Variants in TMEM63B observed in about 807,000 individuals in gnomAD.
TMEM63B encodes mechanosensitive cation channel TMEM63B.
In TMEM63B, 23 loss-of-function variants were observed where a neutral mutation model predicts 102.6. The ratio of observed to expected loss-of-function variants is 0.22; its 90% confidence interval spans 0.16 to 0.32. The LOEUF is 0.32. Among genes scored for constraint, TMEM63B ranks in the 10% least tolerant of loss-of-function variants. TMEM63B has a pLI of 1.00. For synonymous variants in TMEM63B, 444 were observed against 437.0 expected (o/e 1.02, Z -0.20); for missense variants, 628 against 1,095.9 (o/e 0.57, Z 6.03).
At chr6:44,131,137 C>T (rs1474869367) in intron 1 of TMEM63B, among the ~76,000 whole-genome samples, 3 of 151,432 alleles carry the variant, frequency 2.0e-5, no homozygotes, top group Non-Finnish European at 4.4e-5. Flanking sequence ...CCAGGCTGGT[C>T]TCGAACTCCT....
At chr6:44,137,061 A>G (rs888695503) in intron 5 of TMEM63B, among the ~76,000 whole-genome samples, 5 of 152,200 alleles carry the variant, frequency 3.3e-5, no homozygotes, top group African/African-American at 9.6e-5. Context: ...AACAAAAAAA[A>G]GAAATAATAA....
chr6:44,154,679 T>G lies in TMEM63B; in HGVS notation c.2308-13T>G. On this transcript the variant is annotated splice_polypyrimidine_tract_variant and intron_variant, in intron 23 of 23. Coordinates refer to ENST00000323267, the MANE Select transcript of TMEM63B (RefSeq NM_018426.3). Reference sequence around the variant, plus strand: ...AGCTGTTCACCTTGCCCCCATTTCCTCTCCTCCTTCAGAAATACATCGCTC... The same window carrying G: ...AGCTGTTCACCTTGCCCCCATTTCCGCTCCTCCTTCAGAAATACATCGCTC... 6.5e-7 allele frequency: 1 copy of G among 1,534,500 alleles called. No individual in the cohort carries two copies. The highest frequency in any genetic ancestry group is 8.8e-7 in the Non-Finnish European group (1 of 1,141,170).
chr6:44,138,588 A>G, intron 6 of TMEM63B, 71 bp downstream of exon 6: 1 of 1,594,050 alleles, frequency 6.3e-7, no homozygotes, highest in South Asian at 1.1e-5. Context: ...TACAAAATTC[A>G]GAAGCCAGCA....
intron 18 of TMEM63B, 23 bp from the exon 19 acceptor site, chr6:44,151,823 G>C: frequency 1.3e-6 from 2 of 1,594,430 alleles, no homozygotes; most frequent in Non-Finnish European, 1.7e-6. Flanking sequence ...AGGGTGCAGT[G>C]CTGGAGCACC....
intron 4 of TMEM63B, among the ~76,000 whole-genome samples, 178 bp downstream of exon 4, chr6:44,135,544 G>A (rs971478204): frequency 2.0e-5 from 3 of 152,218 alleles, no homozygotes; most frequent in Non-Finnish European, 1.5e-5. Flanking sequence ...TCCCCAGCTT[G>A]TCTCTGCCTC....
intron 1 of TMEM63B, among the ~76,000 whole-genome samples, chr6:44,131,125 G>A (rs921483835): frequency 1.1e-4 from 17 of 150,900 alleles, no homozygotes; most frequent in African/African-American, 4.1e-4. Flanking sequence ...TCACTGTGTT[G>A]GCCAGGCTGG....
In TMEM63B at chr6:44,154,080, A is replaced by C. The variant is rs776278376; in HGVS notation, c.2118A>C (p.Leu706=). 2.5e-6 allele frequency: 4 copies of C among 1,614,072 alleles called. No individual in the cohort carries two copies. Among genetic ancestry groups the C allele is most frequent in the Non-Finnish European group, 3.4e-6 (4 of 1,179,964 alleles). The change falls in exon 22 of 24, where the codon CTA becomes CTC. Residue 706 remains leucine (L), a synonymous_variant. Coordinates refer to ENST00000323267, the MANE Select transcript of TMEM63B (RefSeq NM_018426.3). ...LFFSTMRTGF[L]APTSMFTFVV... ...TTTGCCCCCCAACACCAGGGTTCCTAGCTCCCACGTCTATGTTCACATTTG... is the reference window on the plus strand; with the variant it reads ...TTTGCCCCCCAACACCAGGGTTCCTCGCTCCCACGTCTATGTTCACATTTG...
At chr6:44,130,018 G>A (rs1450387487) in intron 1 of TMEM63B, among the ~76,000 whole-genome samples, 1 of 152,174 alleles carries the variant, frequency 6.6e-6, no homozygotes, top group African/African-American at 2.4e-5. Flanking sequence ...TGTCCCCTAT[G>A]CCTGCCTCAG....
intron 1 of TMEM63B, among the ~76,000 whole-genome samples, chr6:44,130,935 T>TG (rs1363324202): frequency 5.3e-5 from 8 of 149,964 alleles, no homozygotes; most frequent in Non-Finnish European, 4.5e-5. Flanking sequence ...CTTTTTTTTT[T>TG]GAGATGGAGT....
chr6:44,152,211 G>C lies in TMEM63B; in HGVS notation c.1836+203G>C, dbSNP rs968789981. Among the ~76,000 whole-genome samples the C allele has an allele frequency of 6.6e-6, 1 of 152,120 alleles. No individual in the cohort carries two copies. The highest frequency in any genetic ancestry group is 2.4e-5 in the African/African-American group (1 of 41,408). On this transcript the variant is annotated intron_variant, in intron 19 of 23. Transcript: ENST00000323267. The surrounding 1 kb of genome is among the most constrained non-coding windows in gnomAD (Gnocchi z 6.4). ...TGGGTGGACATAGGTAACCCTGAAG[G>C]CCCCTGCCAGTTCTGACAGTAGCAT...
Position 44,152,521 on chromosome 6 carries a change from C to T in TMEM63B, c.1837-72C>T, listed in dbSNP as rs1178677155. On this transcript the variant is annotated intron_variant, in intron 19 of 23. Coordinates refer to ENST00000323267, the MANE Select transcript of TMEM63B (RefSeq NM_018426.3). This position sits in a 1 kb window ranked among gnomAD's most constrained non-coding sequence, Gnocchi z 6.4. ...CCCCAGAGGTCCTGGCTCCCTTCCC[C>T]CTCCCTCCTTCCCTGCCCCTCTGGT... 4 of 1,098,756 alleles carry T rather than the reference C, an allele frequency of 3.6e-6. No individual in the cohort carries two copies. The highest frequency in any genetic ancestry group is 4.7e-5 in the East Asian group (2 of 42,442). The allele number at this position is 1,098,756 out of a possible 1,614,324, so 68.1% of individuals were successfully genotyped here.
intron 9 of TMEM63B, chr6:44,140,647 A>G (rs1562124320): frequency 3.5e-6 from 2 of 571,846 alleles, no homozygotes; most frequent in Non-Finnish European, 6.3e-6. Context: ...TAGGATAGTA[A>G]TATTCCTTCC....
In TMEM63B at chr6:44,151,984, C is replaced by A; in HGVS notation, c.1812C>A (p.Ala604=). 2 of 1,610,622 alleles carry A rather than the reference C, an allele frequency of 1.2e-6. No individual in the cohort carries two copies. Among genetic ancestry groups the A allele is most frequent in the Non-Finnish European group, 1.7e-6 (2 of 1,178,408 alleles). ...YMIRLCLARS[A]AERRNVKRHQ... is the part of the protein sequence containing the mutation. Reference sequence around the variant, plus strand: ...TCCGGCTCTGCCTGGCGCGCTCGGCCGCCGAGAGGCGCAACGTGAAGCGGG... The same window carrying A: ...TCCGGCTCTGCCTGGCGCGCTCGGCAGCCGAGAGGCGCAACGTGAAGCGGG... Residue 604 remains alanine, a synonymous_variant, in exon 19 of 24, where the codon GCC becomes GCA. Transcript: ENST00000323267.
Position 44,148,867 on chromosome 6 carries a change from C to T in TMEM63B, c.1335C>T (p.Leu445=). The part of the protein sequence containing the change: ...LVINVVLFIL[L]FFLTTPAIII... ...TCAATGTCGTCCTCTTCATCCTCCT[C>T]TTCTTCCTCACCACTCCAGCCATCA... The change falls in exon 15 of 24, where the codon CTC becomes CTT. Residue 445 remains leucine (L), a synonymous_variant. Coordinates refer to ENST00000323267, the MANE Select transcript of TMEM63B (RefSeq NM_018426.3). This position sits in a 1 kb window ranked among gnomAD's most constrained non-coding sequence, Gnocchi z 5.1. The T allele has an allele frequency of 1.2e-6, 2 of 1,614,106 alleles. No individual in the cohort carries two copies. Among genetic ancestry groups the T allele is most frequent in the Non-Finnish European group, 1.7e-6 (2 of 1,180,006 alleles).
chr6:44,147,784 C>G (rs1384672168), intron 12 of TMEM63B, among the ~76,000 whole-genome samples: 3 of 152,184 alleles, frequency 2.0e-5, no homozygotes, highest in Non-Finnish European at 4.4e-5. Context: ...TTAACGTACC[C>G]ACCTTATGAG....
At chr6:44,133,691 G>T (rs2128223843) in intron 1 of TMEM63B, among the ~76,000 whole-genome samples, 1 of 152,354 alleles carries the variant, frequency 6.6e-6, no homozygotes, top group Admixed American at 6.5e-5. Flanking sequence ...CAGCCGGCCA[G>T]TTGCAGGCAA....
In TMEM63B at chr6:44,152,134, C is replaced by T. The variant is rs1766816214; in HGVS notation, c.1836+126C>T. Reference sequence around the variant, plus strand: ...AGACTTGGGGAGTACAGTTGACTCACGGTGGATCCGGGCCATCCCCTTCCC... The same window carrying T: ...AGACTTGGGGAGTACAGTTGACTCATGGTGGATCCGGGCCATCCCCTTCCC... On this transcript the variant is annotated intron_variant, in intron 19 of 23. Transcript: ENST00000323267. The surrounding 1 kb of genome is among the most constrained non-coding windows in gnomAD (Gnocchi z 6.4). 4 of 1,205,552 alleles carry T rather than the reference C, an allele frequency of 3.3e-6. No homozygotes were observed. The highest frequency in any genetic ancestry group is 1.5e-5 in the African/African-American group (1 of 64,898). 74.7% of individuals were successfully genotyped at this position (1,205,552 alleles called of 1,614,324 possible).
intron 5 of TMEM63B, among the ~76,000 whole-genome samples, chr6:44,137,833 G>A (rs535390858): frequency 6.6e-6 from 1 of 152,082 alleles, no homozygotes; most frequent in East Asian, 1.9e-4. Context: ...CAAGTAACTG[G>A]GATTACAGGC....
At chr6:44,151,749 T>G (rs1766680456) in intron 18 of TMEM63B, 97 bp from the exon 19 acceptor site, 2 of 1,369,992 alleles carry the variant, frequency 1.5e-6, no homozygotes, top group Non-Finnish European at 2.0e-6. Context: ...AAGAAGCATG[T>G]TGGTGGTGGA....
Sources: gnomAD v4.1 joint callset for allele counts (sites outside exome capture counted in the v4.1 genomes callset) on GRCh38, gnomAD v4.1.1 for gene constraint, Gnocchi (gnomAD v3.1) non-coding constraint, MANE v1.5 for transcripts, NCBI Gene and HGNC (gene_info 2026-07-23, HGNC 2026-07-21) for gene names.